Variants in PLCB1 observed in about 807,000 individuals in gnomAD.
PLCB1 encodes the protein 1-phosphatidylinositol 4,5-bisphosphate phosphodiesterase beta-1.
Under a neutral mutation model 161.8 loss-of-function variants are expected in PLCB1, and 46 were observed. The ratio of observed to expected loss-of-function variants is 0.28; its 90% CI spans 0.22 to 0.36. PLCB1 has a LOEUF of 0.36. Among genes scored for constraint, PLCB1 ranks in the 10% least tolerant of loss-of-function variants. The pLI, the probability that PLCB1 is intolerant of heterozygous loss-of-function variation, is 1.00. For missense variants in PLCB1, 1,016 were observed against 1,472.5 expected (o/e 0.69, Z 5.07); for synonymous variants, 517 against 503.7 (o/e 1.03, Z -0.35).
intron 2 of PLCB1, among the ~76,000 whole-genome samples, chr20:8,224,871 A>T (rs1041241369): frequency 6.6e-6 from 1 of 152,162 alleles, no homozygotes; most frequent in Non-Finnish European, 1.5e-5. Flanking sequence ...TTTGAACTTC[A>T]TATACACGGA....
chr20:8,501,868 T>C (rs1470790281), intron 3 of PLCB1, among the ~76,000 whole-genome samples: 9 of 686 alleles, frequency 0.013, no homozygotes, highest in Non-Finnish European at 0.011. Flanking sequence ...ATATCGCATA[T>C]ATATATATAT....
intron 2 of PLCB1, among the ~76,000 whole-genome samples, chr20:8,210,957 A>G (rs1195012961): frequency 6.6e-6 from 1 of 152,132 alleles, no homozygotes; most frequent in Non-Finnish European, 1.5e-5. Context: ...TCCTGGGACT[A>G]TCCCTCAGGA....
At chr20:8,584,052 G>A (rs562679619) in intron 3 of PLCB1, among the ~76,000 whole-genome samples, 3 of 152,096 alleles carry the variant, frequency 2.0e-5, no homozygotes, top group Admixed American at 6.6e-5. Context: ...AGAGAAAAAC[G>A]ATATTGGTTT....
At position 8,329,084 on chromosome 20, in the gene PLCB1, C is replaced by T. The variant is rs1985267489; in HGVS notation, c.178-42298C>T. On this transcript the variant is annotated intron_variant, in intron 2 of 31. Transcript: ENST00000338037. Reference sequence around the variant, plus strand: ...GTTAGTTTGAGGAGGTCTTAAATGACAAAATTTAATTCTGTATTCCTGTAT... The same window carrying T: ...GTTAGTTTGAGGAGGTCTTAAATGATAAAATTTAATTCTGTATTCCTGTAT... 2.6e-5 allele frequency among the ~76,000 whole-genome samples: 4 copies of T among 152,098 alleles called. No individual in the cohort carries two copies. The South Asian group carries it at 8.3e-4, about 31-fold the overall frequency.
intron 24 of PLCB1, among the ~76,000 whole-genome samples, chr20:8,759,896 A>ATTTTT (rs3033840): frequency 0.06 from 4,680 of 78,064 alleles, 309 homozygotes; most frequent in Non-Finnish European, 0.067. Flanking sequence ...ATAATATCAC[A>ATTTTT]TTTTTTTTTT....
intron 3 of PLCB1, among the ~76,000 whole-genome samples, chr20:8,476,393 A>C (rs752807241): frequency 2.0e-5 from 3 of 152,320 alleles, no homozygotes; most frequent in Middle Eastern, 3.4e-3. Flanking sequence ...ATCACCTTGA[A>C]GAATATGTAC....
intron 2 of PLCB1, among the ~76,000 whole-genome samples, chr20:8,307,960 TACTTG>T (rs1478610861): frequency 6.6e-6 from 1 of 151,896 alleles, no homozygotes; most frequent in Admixed American, 6.6e-5. Context: ...AAAACACCTA[TACTTG>T]ACTTGTGGCT....
intron 3 of PLCB1, among the ~76,000 whole-genome samples, chr20:8,409,955 T>C (rs963320174): frequency 1.3e-5 from 2 of 152,138 alleles, no homozygotes; most frequent in Admixed American, 6.5e-5. Context: ...GTGCAGATAA[T>C]GAGTTGAGTC....
intron 2 of PLCB1, among the ~76,000 whole-genome samples, chr20:8,216,024 C>T (rs1276011186): frequency 6.6e-6 from 1 of 152,000 alleles, no homozygotes; most frequent in East Asian, 1.9e-4. Context: ...TTTAAAAAGC[C>T]TATTTATATG....
intron 2 of PLCB1, among the ~76,000 whole-genome samples, chr20:8,353,302 T>C (rs1986244383): frequency 6.6e-6 from 1 of 152,100 alleles, no homozygotes; most frequent in East Asian, 1.9e-4. Context: ...TAAGTATCCA[T>C]AGGCCACATT....
At chr20:8,583,404 AG>A (rs1986893562) in intron 3 of PLCB1, among the ~76,000 whole-genome samples, 1 of 152,262 alleles carries the variant, frequency 6.6e-6, no homozygotes, top group Non-Finnish European at 1.5e-5. Flanking sequence ...GACATTAAAT[AG>A]TTTTTTTAAA....
intron 31 of PLCB1, among the ~76,000 whole-genome samples, chr20:8,873,225 G>A (rs1987667495): frequency 6.6e-6 from 1 of 152,100 alleles, no homozygotes; most frequent in Admixed American, 6.6e-5. Flanking sequence ...TTATGATCCT[G>A]TTATTTTTAT....
At chr20:8,525,453 C>T (rs543932304) in intron 3 of PLCB1, among the ~76,000 whole-genome samples, 1 of 152,210 alleles carries the variant, frequency 6.6e-6, no homozygotes, top group Non-Finnish European at 1.5e-5. Flanking sequence ...TTGATAAGGC[C>T]AAGTTCAAAT....
In PLCB1 at chr20:8,262,707, A is replaced by C. The variant is rs575056808; in HGVS notation, c.178-108675A>C. Among the ~76,000 whole-genome samples, 12 of 152,314 alleles carry C rather than the reference A, an allele frequency of 7.9e-5. No individual in the cohort carries two copies. In the South Asian group the frequency reaches 2.5e-3, roughly 32 times the overall value. On this transcript the variant is annotated intron_variant, in intron 2 of 31. Transcript: ENST00000338037. The stretch of plus-strand genomic sequence containing the variant: ...TCATAGACGGAGTGGCTTAAACAAC[A>C]GACAGTTATTTCTCACCATTCCAGA...
At chr20:8,766,263 T>C (rs938245884) in intron 26 of PLCB1, among the ~76,000 whole-genome samples, 1 of 152,140 alleles carries the variant, frequency 6.6e-6, no homozygotes, top group Admixed American at 6.5e-5. Flanking sequence ...CACAGCATCA[T>C]CTCAGGCTGT....
chr20:8,563,750 T>A (rs960515506), intron 3 of PLCB1, among the ~76,000 whole-genome samples: 6 of 151,882 alleles, frequency 4.0e-5, no homozygotes, highest in African/African-American at 1.5e-4. Flanking sequence ...TCATAATTGC[T>A]AAAAAGAGAA....
intron 3 of PLCB1, among the ~76,000 whole-genome samples, chr20:8,488,800 A>G (rs1176653717): frequency 1.3e-5 from 2 of 152,230 alleles, no homozygotes; most frequent in Admixed American, 6.5e-5. Context: ...TTGTTTTGCT[A>G]TTAAACATAG....
intron 9 of PLCB1, among the ~76,000 whole-genome samples, chr20:8,682,909 G>C (rs962719836): frequency 6.6e-6 from 1 of 151,968 alleles, no homozygotes; most frequent in Non-Finnish European, 1.5e-5. Context: ...AAATAATTAA[G>C]TATTTATACA....
intron 31 of PLCB1, among the ~76,000 whole-genome samples, chr20:8,876,491 A>G (rs945689385): frequency 1.3e-5 from 2 of 152,140 alleles, no homozygotes; most frequent in Non-Finnish European, 2.9e-5. Flanking sequence ...GTGTTAGCTT[A>G]TGAGTATTTT....
Sources: gnomAD v4.1 joint callset for allele counts (sites outside exome capture counted in the v4.1 genomes callset) on GRCh38, gnomAD v4.1.1 for gene constraint, MANE v1.5 for transcripts, NCBI Gene and HGNC (gene_info 2026-07-23, HGNC 2026-07-21) for gene names.